Variants in SCYL1 observed in about 807,000 individuals in gnomAD.
SCYL1 encodes the protein N-terminal kinase-like protein.
Under a neutral mutation model 94.8 loss-of-function variants are expected in SCYL1, and 85 were observed. That is an observed-to-expected ratio of 0.90 (90% confidence interval 0.75 to 1.07). The LOEUF is 1.07. Ranked by LOEUF, SCYL1 falls within the 50% of genes least tolerant of loss-of-function variation. The probability of loss-of-function intolerance (pLI) is 0.00; values close to 1 mark genes in which losing one functional copy is unlikely to be tolerated. For missense variants in SCYL1, 968 were observed against 1,083.3 expected, an observed-to-expected ratio of 0.89 and a Z score of 1.49; for synonymous variants, 459 against 435.5, an observed-to-expected ratio of 1.05 and a Z score of -0.67.
chr11:65,531,530 C>A, intron 7 of SCYL1, 46 bp from the exon 8 acceptor site: 1 of 1,435,794 alleles, frequency 7.0e-7, no homozygotes, highest in South Asian at 1.1e-5. Context: ...CCAGCAAAGT[C>A]AGCCCATTCC....
At chr11:65,530,880 C>T in intron 7 of SCYL1, 93 bp downstream of exon 7, 2 of 1,413,554 alleles carry the variant, frequency 1.4e-6, no homozygotes, top group Non-Finnish European at 9.5e-7. Flanking sequence ...TTAGGGCAGA[C>T]CCAAGCCCAT....
chr11:65,535,589 T>C, intron 10 of SCYL1: 3 of 687,140 alleles, frequency 4.4e-6, no homozygotes, highest in Non-Finnish European at 7.2e-6. Context: ...AATCCAGGCG[T>C]GCTTGGCCCC....
chr11:65,525,907 G>C lies in SCYL1; in HGVS notation c.253-14G>C. The C allele has an allele frequency of 6.2e-7, 1 of 1,611,894 alleles. No individual in the cohort carries two copies. On this transcript the variant is annotated splice_polypyrimidine_tract_variant and intron_variant, in intron 2 of 17. Transcript: ENST00000270176. ...GCCCCTCCGCCCTTGATAACCCTGT[G>C]TCCCCTTCCCCAGACAGAAAAATGC...
intron 6 of SCYL1, among the ~76,000 whole-genome samples, chr11:65,528,096 C>A (rs755723793): frequency 8.5e-5 from 13 of 152,212 alleles, no homozygotes; most frequent in Non-Finnish European, 1.5e-4. Flanking sequence ...AGTAAACAGA[C>A]CAGATCCCCA....
Position 65,526,368 on chromosome 11 carries a change from G to A in SCYL1, c.602+18G>A. The A allele has an allele frequency of 3.8e-6, 6 of 1,569,950 alleles. No homozygotes were observed. The South Asian group carries it at 7.1e-5, about 18-fold the overall frequency. On this transcript the variant is annotated intron_variant, in intron 4 of 17. Coordinates refer to ENST00000270176, the MANE Select transcript of SCYL1 (RefSeq NM_020680.4). The surrounding 1 kb of genome is among the most constrained non-coding windows in gnomAD (Gnocchi z 4.1). Reference sequence around the variant, plus strand: ...GAGAAGTGGTGGGTGACTGGGGGCAGCGCGCCCCAACCTGCCCTGTCCTGG... The same window carrying A: ...GAGAAGTGGTGGGTGACTGGGGGCAACGCGCCCCAACCTGCCCTGTCCTGG...
Position 65,538,046 on chromosome 11 carries a change from A to G in SCYL1, c.2111A>G (p.Gln704Arg). ...TGGGAAGCTGAGGGCTCCTGGGAAC[A>G]GGGCTGGCAGGAGCCAAGCTCCCAG... ...SSWEAEGSWE[Q>R]GWQEPSSQEP... Residue 704 changes from glutamine to arginine, a missense_variant, in exon 16 of 18, where the codon CAG becomes CGG. Physicochemically the swap from Gln to Arg is conservative, Grantham distance 43. Coordinates refer to ENST00000270176, the MANE Select transcript of SCYL1 (RefSeq NM_020680.4). 1 of 1,611,088 alleles carries G rather than the reference A, an allele frequency of 6.2e-7. No homozygotes were observed. Among genetic ancestry groups the G allele is most frequent in the Non-Finnish European group, 8.5e-7 (1 of 1,178,952 alleles).
Position 65,525,320 on chromosome 11 carries a change from G to C in SCYL1, c.111+56G>C, listed in dbSNP as rs1051268874. ...TCGACCTGGGCCTTGCCTATTCCGC[G>C]CCGCCGACCCCGTCGCGTTGCGCCC... On this transcript the variant is annotated intron_variant, in intron 1 of 17. Coordinates refer to ENST00000270176, the MANE Select transcript of SCYL1 (RefSeq NM_020680.4). 9.4e-6 allele frequency: 12 copies of C among 1,276,996 alleles called. No individual in the cohort carries two copies. In the African/African-American group the frequency reaches 1.7e-4, roughly 19 times the overall value. The allele number at this position is 1,276,996 out of a possible 1,614,324, so 79.1% of individuals were successfully genotyped here.
intron 8 of SCYL1, 87 bp from the exon 9 acceptor site, chr11:65,532,605 G>A (rs2135065447): frequency 4.4e-6 from 5 of 1,124,026 alleles, no homozygotes; most frequent in Middle Eastern, 3.9e-4. Flanking sequence ...CTGCTGGGTG[G>A]AAAAGCTAAG....
Position 65,536,134 on chromosome 11 carries a change from G to A in SCYL1, c.1568G>A (p.Arg523Gln), listed in dbSNP as rs201987433. Residue 523 changes from arginine (R) to glutamine (Q), a missense_variant, in exon 11 of 18, where the codon CGA (arginine) becomes CAA (glutamine). By Grantham distance (43) the Arg-to-Gln change is conservative. This residue lies in a region of SCYL1 where 474 missense variants were observed against 463.6 expected (regional missense o/e 1.02). Coordinates refer to ENST00000270176, the MANE Select transcript of SCYL1 (RefSeq NM_020680.4). ...ACTGTAGATCCTGAGAAATCCGTGCGAGACCAGGTGAGGCACAGCTGGGCC... is the reference window on the plus strand; with the variant it reads ...ACTGTAGATCCTGAGAAATCCGTGCAAGACCAGGTGAGGCACAGCTGGGCC... ...GLTVDPEKSV[R>Q]DQAFKAIRSF... The A allele has an allele frequency of 8.2e-5, 133 of 1,613,124 alleles. No homozygotes were observed. The East Asian group carries it at 1.3e-3, about 16-fold the overall frequency.
Position 65,526,973 on chromosome 11 carries a change from G to A in SCYL1, c.705G>A (p.Thr235=), listed in dbSNP as rs748138420. 3.7e-6 allele frequency: 6 copies of A among 1,610,592 alleles called. No individual in the cohort carries two copies. The highest frequency in any genetic ancestry group is 1.7e-5 in the Admixed American group (1 of 59,912). ...ALRNPGKIPK[T]LVPHYCELVG... ...CCCCTCCCCTACAGATCCCCAAAAC[G>A]CTGGTGCCCCATTACTGTGAGCTGG... Residue 235 remains threonine (T), a synonymous_variant, in exon 6 of 18, where the codon ACG becomes ACA. Transcript: ENST00000270176. This position sits in a 1 kb window ranked among gnomAD's most constrained non-coding sequence, Gnocchi z 4.1.
intron 7 of SCYL1, 133 bp downstream of exon 7, chr11:65,530,920 A>G (rs1182728937): frequency 5.1e-6 from 5 of 974,560 alleles, no homozygotes; most frequent in Non-Finnish European, 7.4e-6. Context: ...CAGTGTCTAT[A>G]AACAGGTACC....
intron 12 of SCYL1, 45 bp downstream of exon 12, chr11:65,536,379 T>A: frequency 6.3e-7 from 1 of 1,596,302 alleles, no homozygotes; most frequent in South Asian, 1.1e-5. Context: ...GCCATGTCCT[T>A]GACTGTGACC....
In SCYL1 at chr11:65,525,113, C is replaced by G. The variant is rs900184068; in HGVS notation, c.-41C>G. On this transcript the variant is annotated 5_prime_UTR_variant, in exon 1 of 18. Transcript: ENST00000270176. ...GCCCCGGCTCGGGCGGCCGGAGGAC[C>G]CGGAGCTAAGGCGCCCGAACCCGCG... 3.5e-5 allele frequency: 44 copies of G among 1,269,482 alleles called. No homozygotes were observed. Among genetic ancestry groups the G allele is most frequent in the Non-Finnish European group, 4.3e-5 (43 of 992,422 alleles). The allele number at this position is 1,269,482 out of a possible 1,614,324, so 78.6% of individuals were successfully genotyped here.
chr11:65,527,731 C>CAAAAA (rs35335117), intron 6 of SCYL1, among the ~76,000 whole-genome samples: 1 of 88,662 alleles, frequency 1.1e-5, no homozygotes. Flanking sequence ...GACTTCGTCT[C>CAAAAA]AAAAAAAAAA....
intron 6 of SCYL1, 56 bp from the exon 7 acceptor site, chr11:65,530,573 G>A (rs1301851966): frequency 2.5e-6 from 4 of 1,569,660 alleles, no homozygotes; most frequent in East Asian, 4.5e-5. Flanking sequence ...CCCATGGCTG[G>A]GTTTGGGCTG....
chr11:65,525,519 C>T lies in SCYL1; in HGVS notation c.112-55C>T, dbSNP rs1202429777. 7.0e-6 allele frequency: 11 copies of T among 1,581,426 alleles called. No individual in the cohort carries two copies. The South Asian group carries it at 9.0e-5, about 13-fold the overall frequency. ...GAGAGACCTGGCTGCGGGCCCTTGTCTTCCGGCCACACAACAGCTCTGGGA... is the reference window on the plus strand; with the variant it reads ...GAGAGACCTGGCTGCGGGCCCTTGTTTTCCGGCCACACAACAGCTCTGGGA... On this transcript the variant is annotated intron_variant, in intron 1 of 17. Transcript: ENST00000270176.
Position 65,530,750 on chromosome 11 carries a change from GC to G in SCYL1, c.972del (p.Asn325MetfsTer17), listed in dbSNP as rs1855321830. The G allele has an allele frequency of 2.5e-6, 4 of 1,613,678 alleles. No individual in the cohort carries two copies. Among genetic ancestry groups the G allele is most frequent in the Non-Finnish European group, 3.4e-6 (4 of 1,179,964 alleles). On this transcript the variant is annotated frameshift_variant, in exon 7 of 18. Coordinates refer to ENST00000270176, the MANE Select transcript of SCYL1 (RefSeq NM_020680.4). LOFTEE classifies it high-confidence loss of function. ...CAGCTGCTGACCGCCTTCGAGTTCG[GC>G]AATGCTGGGGCCGTTGTCCTCACGC... ...LPQLLTAFEF[G>X]NAGAVVLTPL...
At chr11:65,537,275 T>C (rs1855716504) in intron 14 of SCYL1, 147 bp downstream of exon 14, 1 of 885,140 alleles carries the variant, frequency 1.1e-6, no homozygotes, top group Non-Finnish European at 1.8e-6. Flanking sequence ...GAGTGGCCAT[T>C]GTAGGCCAGA....
Position 65,531,597 on chromosome 11 carries a change from G to C in SCYL1, c.1030G>C (p.Glu344Gln). Reference sequence around the variant, plus strand: ...TCAGGTGGGCAAGTTCCTGAGCGCTGAGGAGTATCAGCAGAAGATCATCCC... The same window carrying C: ...TCAGGTGGGCAAGTTCCTGAGCGCTCAGGAGTATCAGCAGAAGATCATCCC... ...LFKVGKFLSA[E>Q]EYQQKIIPVV... Residue 344 changes from glutamate to glutamine, a missense_variant, in exon 8 of 18, where the codon GAG (glutamate) becomes CAG (glutamine). By Grantham distance (29) the Glu-to-Gln change is conservative. Transcript: ENST00000270176. 6.2e-7 allele frequency: 1 copy of C among 1,614,020 alleles called. No individual in the cohort carries two copies. Among genetic ancestry groups the C allele is most frequent in the South Asian group, 1.1e-5 (1 of 91,082 alleles).
Sources: allele counts gnomAD v4.1 joint callset (sites outside exome capture counted in the v4.1 genomes callset), GRCh38; gene constraint gnomAD v4.1.1; regional missense constraint gnomAD v4.1.1; non-coding constraint Gnocchi (gnomAD v3.1); transcripts MANE v1.5; gene names NCBI Gene and HGNC (gene_info 2026-07-23, HGNC 2026-07-21).